SLC25A48: variants seen among roughly 807,000 people sequenced by gnomAD.
SLC25A48 encodes the protein CTC-321K16.1.
SLC25A48 carries 29 observed loss-of-function variants against 32.2 expected under a neutral mutation model. The observed-to-expected ratio is 0.90, with a 90% CI of 0.67 to 1.23. The LOEUF (loss-of-function observed/expected upper bound fraction) is 1.23, where lower values mean the gene tolerates loss of function less well. Ranked by LOEUF, SLC25A48 falls within the 50% of genes most tolerant of loss-of-function variation. The probability of loss-of-function intolerance (pLI) is 0.00; values close to 1 mark genes in which losing one functional copy is unlikely to be tolerated. For synonymous variants in SLC25A48, 164 were observed against 172.3 expected, an observed-to-expected ratio of 0.95 and a Z score of 0.38; for missense variants, 399 against 422.7, an observed-to-expected ratio of 0.94 and a Z score of 0.49.
At chr5:135,589,435 C>A (rs2126875014) in intron 1 of SLC25A48, among the ~76,000 whole-genome samples, 1 of 152,286 alleles carries the variant, frequency 6.6e-6, no homozygotes, top group African/African-American at 2.4e-5. Context: ...AGGCACTGGG[C>A]TCAGTCCTGT....
chr5:135,855,333 G>T (rs1351348011), intron 4 of SLC25A48, among the ~76,000 whole-genome samples: 1 of 152,148 alleles, frequency 6.6e-6, no homozygotes, highest in Non-Finnish European at 1.5e-5. Context: ...AACAAGGTGT[G>T]GTTTTATTAC....
chr5:135,787,797 C>T (rs1358218449), intron 3 of SLC25A48, among the ~76,000 whole-genome samples: 1 of 151,296 alleles, frequency 6.6e-6, no homozygotes, highest in African/African-American at 2.4e-5. Context: ...GGGGATATTA[C>T]TCCTAATGTC....
Position 135,781,719 on chromosome 5 carries a change from T to C in SLC25A48, c.-520-30804T>C, listed in dbSNP as rs1203302306. Among the ~76,000 whole-genome samples the C allele has an allele frequency of 1.2e-4, 14 of 116,182 alleles. 5 individuals carry two copies. Among genetic ancestry groups the C allele is most frequent in the Non-Finnish European group, 3.0e-4 (14 of 46,800 alleles). 76.2% of individuals were successfully genotyped at this position (116,182 alleles called of 152,430 possible). On this transcript the variant is annotated intron_variant, in intron 3 of 10. Coordinates refer to the SLC25A48 transcript ENST00000646290. ...GAAAAGAGAATGATATTACTCTCAA[T>C]ATTGCAGGTGCTGTACACTACCTTT...
At chr5:135,660,577 C>G (rs1580763665) in intron 3 of SLC25A48, among the ~76,000 whole-genome samples, 1 of 152,184 alleles carries the variant, frequency 6.6e-6, no homozygotes, top group Non-Finnish European at 1.5e-5. Flanking sequence ...TTCTACCTAT[C>G]AAAATTACTA....
chr5:135,669,663 C>A (rs1753609683), intron 3 of SLC25A48, among the ~76,000 whole-genome samples: 2 of 152,184 alleles, frequency 1.3e-5, no homozygotes. Flanking sequence ...GGAACTCTGG[C>A]TTGCCTGTGT....
At chr5:135,688,818 A>C (rs951997749) in intron 3 of SLC25A48, among the ~76,000 whole-genome samples, 1 of 152,344 alleles carries the variant, frequency 6.6e-6, no homozygotes, top group African/African-American at 2.4e-5. Context: ...CCCCCACTCC[A>C]GCCTGGCTGA....
At chr5:135,785,892 C>G (rs1350054003) in intron 3 of SLC25A48, among the ~76,000 whole-genome samples, 1 of 151,334 alleles carries the variant, frequency 6.6e-6, no homozygotes, top group African/African-American at 2.4e-5. Context: ...CATTACTCAC[C>G]ATGGGGCGGG....
At chr5:135,625,270 GAGGCTGCACA>G (rs1475766434) in intron 1 of SLC25A48, among the ~76,000 whole-genome samples, 1 of 152,178 alleles carries the variant, frequency 6.6e-6, no homozygotes, top group African/African-American at 2.4e-5. Context: ...CACAGGCACA[GAGGCTGCACA>G]GCACCAGAGA....
chr5:135,591,558 T>C (rs1485576074), intron 1 of SLC25A48, among the ~76,000 whole-genome samples: 1 of 152,222 alleles, frequency 6.6e-6, no homozygotes, highest in African/African-American at 2.4e-5. Context: ...GTTCCATGTA[T>C]CCTGCTTTCT....
chr5:135,586,929 G>T (rs1001857311), intron 1 of SLC25A48, among the ~76,000 whole-genome samples: 1 of 152,186 alleles, frequency 6.6e-6, no homozygotes, highest in Non-Finnish European at 1.5e-5. Flanking sequence ...GATCTGTCTG[G>T]CTGCTGGACG....
chr5:135,655,322 C>T (rs1393416702), intron 3 of SLC25A48, among the ~76,000 whole-genome samples: 1 of 152,134 alleles, frequency 6.6e-6, no homozygotes, highest in Non-Finnish European at 1.5e-5. Context: ...ACAAGGACCC[C>T]ATGAGATAAG....
At chr5:135,856,858 T>C (rs1257134469) in intron 4 of SLC25A48, among the ~76,000 whole-genome samples, 1 of 152,244 alleles carries the variant, frequency 6.6e-6, no homozygotes, top group African/African-American at 2.4e-5. Flanking sequence ...CTGTGCTGGC[T>C]CTTTGCTCTA....
At chr5:135,798,692 G>C (rs1463062905) in intron 3 of SLC25A48, among the ~76,000 whole-genome samples, 1 of 151,204 alleles carries the variant, frequency 6.6e-6, no homozygotes, top group Non-Finnish European at 1.5e-5. Context: ...TAAATCGCAG[G>C]GGGTGTACAC....
rs115663186 is a variant in SLC25A48, at chr5:135,727,879, T to C, written c.-520-84644T>C. Among the ~76,000 whole-genome samples, 1,106 of 152,340 alleles carry C rather than the reference T, an allele frequency of 7.3e-3. 12 individuals carry two copies. The highest frequency in any genetic ancestry group is 0.025 in the African/African-American group (1,037 of 41,582). ...ATTCCAGTTTCTTGTTTCTTTGCCG[T>C]TCCAAATTTTAGAATAATCTTGCCT... On this transcript the variant is annotated intron_variant, in intron 3 of 10. Transcript: ENST00000646290.
At chr5:135,845,500 A>G (rs1187481814) in intron 2 of SLC25A48, among the ~76,000 whole-genome samples, 1 of 152,080 alleles carries the variant, frequency 6.6e-6, no homozygotes, top group Non-Finnish European at 1.5e-5. Context: ...CTTCTGGCTG[A>G]TGTTTTCTCA....
chr5:135,835,342 A>T (rs1397102702), intron 1 of SLC25A48, among the ~76,000 whole-genome samples: 13 of 149,502 alleles, frequency 8.7e-5, no homozygotes, highest in Admixed American at 5.3e-4. Flanking sequence ...GGCCGGCCCA[A>T]CGGGGCGTCC....
rs373561341 is a variant in SLC25A48, at chr5:135,742,312, C to A, written c.-520-70211C>A. 5 of 465,388 alleles carry A rather than the reference C, an allele frequency of 1.1e-5. No homozygotes were observed. The South Asian group carries it at 1.7e-4, about 15-fold the overall frequency. The allele number at this position is 465,388 out of a possible 1,614,324, so 28.8% of individuals were successfully genotyped here. A position where few individuals can be genotyped will look rare whatever the true frequency, so the allele number is the denominator to read the frequency against. ...GCCAGGCTGATCTCAAACTCCTGGC[C>A]TCAAGTGATCTGCCCGCCTTGGCCT... On this transcript the variant is annotated intron_variant, in intron 3 of 10. Transcript: ENST00000646290.
Position 135,888,037 on chromosome 5 carries a change from G to T in SLC25A48, c.*13G>T. The T allele has an allele frequency of 6.4e-7, 1 of 1,551,562 alleles. No individual in the cohort carries two copies. Among genetic ancestry groups the T allele is most frequent in the Non-Finnish European group, 8.7e-7 (1 of 1,146,718 alleles). ...GGGTTGTTTGCTGTTTCCAGGAGGT[G>T]AACACAGGATGACTACAGTGTTCCC... is the stretch of plus-strand genomic sequence containing the variant. On this transcript the variant is annotated 3_prime_UTR_variant, in exon 8 of 8. Coordinates refer to ENST00000681962, the MANE Select transcript of SLC25A48 (RefSeq NM_001349336.2).
intron 3 of SLC25A48, among the ~76,000 whole-genome samples, chr5:135,647,317 C>T (rs1204226874): frequency 6.6e-6 from 1 of 152,144 alleles, no homozygotes; most frequent in African/African-American, 2.4e-5. Context: ...TCCAGGGCAC[C>T]GCATTATATT....
Sources: allele counts gnomAD v4.1 joint callset (sites outside exome capture counted in the v4.1 genomes callset), GRCh38; gene constraint gnomAD v4.1.1; transcripts MANE v1.5; gene names NCBI Gene and HGNC (gene_info 2026-07-23, HGNC 2026-07-21).